Variants in CYYR1 observed in about 807,000 individuals in gnomAD.
The protein encoded by CYYR1 is cysteine and tyrosine-rich protein 1.
Under a neutral mutation model 15.2 loss-of-function variants are expected in CYYR1, and 14 were observed. That is an observed-to-expected ratio of 0.92 (90% CI 0.61 to 1.44). The LOEUF (loss-of-function observed/expected upper bound fraction) is 1.44, where lower values mean the gene tolerates loss of function less well. CYYR1 is among the 40% of genes most tolerant of loss of function. CYYR1 has a pLI of 0.00. For synonymous variants in CYYR1, 80 were observed against 77.4 expected (o/e 1.03, Z -0.18); for missense variants, 228 against 209.5 (o/e 1.09, Z -0.54).
At chr21:26,565,521 T>A (rs1215745059) in intron 2 of CYYR1, among the ~76,000 whole-genome samples, 1 of 152,128 alleles carries the variant, frequency 6.6e-6, no homozygotes, top group Non-Finnish European at 1.5e-5. Context: ...CGTTTCTCAG[T>A]TGTGGGTTCC....
chr21:26,538,366 G>A (rs559239370), intron 2 of CYYR1, among the ~76,000 whole-genome samples: 2 of 152,104 alleles, frequency 1.3e-5, no homozygotes, highest in Non-Finnish European at 2.9e-5. Context: ...CCAATTATCT[G>A]TTGATTTTTT....
intron 2 of CYYR1, among the ~76,000 whole-genome samples, chr21:26,563,428 C>G (rs1980383518): frequency 6.6e-6 from 1 of 151,978 alleles, no homozygotes; most frequent in Non-Finnish European, 1.5e-5. Flanking sequence ...AAAAATTAGC[C>G]AAGCATGGTG....
intron 2 of CYYR1, among the ~76,000 whole-genome samples, chr21:26,542,277 A>ATGTG (rs138562563): frequency 1.2e-4 from 16 of 128,354 alleles, no homozygotes; most frequent in East Asian, 4.7e-4. Flanking sequence ...GAGAGAGAAT[A>ATGTG]TGTGTGTGTG....
At chr21:26,473,468 A>G (rs1382661817) in intron 3 of CYYR1, among the ~76,000 whole-genome samples, 2 of 152,138 alleles carry the variant, frequency 1.3e-5, no homozygotes, top group African/African-American at 2.4e-5. Context: ...CAAGCCTCAC[A>G]TCCCTCTGTC....
intron 2 of CYYR1, among the ~76,000 whole-genome samples, chr21:26,513,932 G>A (rs2065685753): frequency 8.9e-6 from 1 of 112,406 alleles, no homozygotes. Context: ...GGGGAGGGGG[G>A]AGGGATACCA....
chr21:26,562,180 C>T (rs1037500064), intron 2 of CYYR1, among the ~76,000 whole-genome samples: 10 of 152,098 alleles, frequency 6.6e-5, no homozygotes, highest in Non-Finnish European at 1.5e-4. Context: ...CTTCTATCTT[C>T]GGGTAGTTGC....
chr21:26,556,567 G>T (rs902448593), intron 2 of CYYR1, among the ~76,000 whole-genome samples: 4 of 152,060 alleles, frequency 2.6e-5, no homozygotes, highest in Non-Finnish European at 5.9e-5. Flanking sequence ...AGCATGACTG[G>T]GGAGACGTCA....
At chr21:26,509,811 C>G (rs1818400346) in intron 2 of CYYR1, among the ~76,000 whole-genome samples, 2 of 152,284 alleles carry the variant, frequency 1.3e-5, no homozygotes, top group Admixed American at 1.3e-4. Context: ...TGCTCATAGC[C>G]TATTGGTCAG....
At chr21:26,536,101 A>G (rs1978298934) in intron 2 of CYYR1, among the ~76,000 whole-genome samples, 1 of 152,106 alleles carries the variant, frequency 6.6e-6, no homozygotes, top group South Asian at 2.1e-4. Context: ...GCGGCAGGAG[A>G]GAGAGAGTGA....
At chr21:26,475,203 CT>C (rs909379398) in intron 3 of CYYR1, among the ~76,000 whole-genome samples, 117 of 152,074 alleles carry the variant, frequency 7.7e-4, no homozygotes, top group African/African-American at 2.8e-3. Context: ...CTGTTTCATG[CT>C]TTTTTTTCTT....
At chr21:26,533,410 G>C (rs2065957228) in intron 2 of CYYR1, among the ~76,000 whole-genome samples, 1 of 152,090 alleles carries the variant, frequency 6.6e-6, no homozygotes, top group Non-Finnish European at 1.5e-5. Flanking sequence ...CCAGGGGTCT[G>C]TGGTATAAGT....
Position 26,468,564 on chromosome 21 carries a change from G to C in CYYR1, c.405C>G (p.Pro135=). Residue 135 remains proline (P), a synonymous_variant, in exon 4 of 4, where the codon CCC becomes CCG. Coordinates refer to ENST00000652641, the MANE Select transcript of CYYR1 (RefSeq NM_001320768.2). ...YCADLPPPYS[P]TPQGPAQRSP... ...AACGCTGTGCTGGACCCTGTGGGGTGGGGGAGTATGGAGGAGGCAAGTCTG... is the reference window on the plus strand; with the variant it reads ...AACGCTGTGCTGGACCCTGTGGGGTCGGGGAGTATGGAGGAGGCAAGTCTG... 6.2e-7 allele frequency: 1 copy of C among 1,613,520 alleles called. No individual in the cohort carries two copies. The highest frequency in any genetic ancestry group is 8.5e-7 in the Non-Finnish European group (1 of 1,179,618).
At chr21:26,518,872 G>C (rs184695550) in intron 2 of CYYR1, among the ~76,000 whole-genome samples, 1 of 152,172 alleles carries the variant, frequency 6.6e-6, no homozygotes, top group Non-Finnish European at 1.5e-5. Context: ...AAATTAGGCA[G>C]TAATTTACAT....
intron 2 of CYYR1, among the ~76,000 whole-genome samples, chr21:26,507,665 C>T (rs1319292825): frequency 6.6e-6 from 1 of 152,170 alleles, no homozygotes; most frequent in Admixed American, 6.5e-5. Flanking sequence ...TGCCAAAAAA[C>T]AGGCAGCCAC....
At chr21:26,479,476 C>G (rs1378134129) in intron 3 of CYYR1, among the ~76,000 whole-genome samples, 1 of 152,048 alleles carries the variant, frequency 6.6e-6, no homozygotes, top group Non-Finnish European at 1.5e-5. Context: ...TAGAACTTGC[C>G]TGCTTTTTAT....
At chr21:26,517,601 G>A (rs557215153) in intron 2 of CYYR1, among the ~76,000 whole-genome samples, 32 of 152,254 alleles carry the variant, frequency 2.1e-4, no homozygotes, top group Middle Eastern at 3.4e-3. Context: ...TGTTGTCCAG[G>A]CTGGAGTGCA....
intron 2 of CYYR1, among the ~76,000 whole-genome samples, chr21:26,510,414 T>C: frequency 6.6e-6 from 1 of 152,188 alleles, no homozygotes; most frequent in East Asian, 1.9e-4. Flanking sequence ...TGGTTTATTT[T>C]GTATGTATGG....
chr21:26,565,577 C>G (rs562176635), intron 2 of CYYR1, among the ~76,000 whole-genome samples: 1 of 152,200 alleles, frequency 6.6e-6, no homozygotes, highest in East Asian at 1.9e-4. Flanking sequence ...CCGTACAGCC[C>G]TGGAGGCAGG....
rs1325882795 is a variant in CYYR1 at position 26,551,815 on chromosome 21, T to C, written c.176+14451A>G. On this transcript the variant is annotated intron_variant, in intron 2 of 3. Transcript: ENST00000652641. ...GATTTAGAATATTACATAAACTTAG[T>C]TGATAAAGCAGCAGTAGGGTTTAGA... The C allele has an allele frequency of 2.2e-5, 6 of 277,652 alleles. No homozygotes were observed. In the East Asian group the frequency reaches 3.9e-4, roughly 18 times the overall value. The allele number at this position is 277,652 out of a possible 1,614,324, so 17.2% of individuals were successfully genotyped here. A position where few individuals can be genotyped will look rare whatever the true frequency, so the allele number is the denominator to read the frequency against.
Sources: gnomAD v4.1 joint callset for allele counts (sites outside exome capture counted in the v4.1 genomes callset) on GRCh38, gnomAD v4.1.1 for gene constraint, MANE v1.5 for transcripts, NCBI Gene and HGNC (gene_info 2026-07-23, HGNC 2026-07-21) for gene names.